The following UMOD variants were observed in gnomAD, a reference collection of about 807,000 sequenced individuals.
The protein encoded by UMOD is uromodulin, also known as Tamm-Horsfall urinary glycoprotein.
In UMOD, 64 loss-of-function variants were observed where a neutral mutation model predicts 66.0. That is an observed-to-expected ratio of 0.97 (90% CI 0.79 to 1.19). The LOEUF (loss-of-function observed/expected upper bound fraction) is 1.19, where lower values mean the gene tolerates loss of function less well. Ranked by LOEUF, UMOD falls within the 50% of genes most tolerant of loss-of-function variation. The pLI, the probability that UMOD is intolerant of heterozygous loss-of-function variation, is 0.00. For synonymous variants in UMOD, 398 were observed against 352.7 expected (o/e 1.13, Z -1.44); for missense variants, 764 against 850.9 (o/e 0.90, Z 1.27).
chr16:20,333,424 G>T, intron 10 of UMOD, 49 bp from the exon 11 acceptor site: 1 of 1,560,572 alleles, frequency 6.4e-7, no homozygotes, highest in Non-Finnish European at 8.7e-7. Context: ...CTGTACTTTT[G>T]TGCAAATTAA....
In UMOD at chr16:20,337,336, G is replaced by C; in HGVS notation, c.1695C>G (p.His565Gln). Residue 565 changes from histidine to glutamine, a missense_variant, in exon 8 of 11, where the codon CAC (histidine) becomes CAG (glutamine). By Grantham distance (24) the His-to-Gln change is conservative (BLOSUM62 0). Coordinates refer to ENST00000396138, the MANE Select transcript of UMOD (RefSeq NM_003361.4). Reference sequence around the variant, plus strand: ...TGGTGTCACAGAGATAGACTTCACAGTGCAGGTAGACTAGGTCATAGTTTC... The same window carrying C: ...TGGTGTCACAGAGATAGACTTCACACTGCAGGTAGACTAGGTCATAGTTTC... Reference protein sequence around the residue: ...FAGNYDLVYLHCEVYLCDTMN... With the variant: ...FAGNYDLVYLQCEVYLCDTMN... 2.5e-6 allele frequency: 4 copies of C among 1,614,208 alleles called. No individual in the cohort carries two copies. Among genetic ancestry groups the C allele is most frequent in the Non-Finnish European group, 3.4e-6 (4 of 1,180,044 alleles).
At position 20,348,458 on chromosome 16, in the gene UMOD, C is replaced by A; in HGVS notation, c.843G>T (p.Glu281Asp). Residue 281 changes from glutamate to aspartate, a missense_variant, in exon 3 of 11, where the codon GAG becomes GAT. Physicochemically the swap from Glu to Asp is conservative, Grantham distance 45. Transcript: ENST00000396138. ...GACCTGTGCAGTACGCCAGGTGACA[C>A]TCGGGGGGCGCTGTCAGGTTGTAGA... ...YYVYNLTAPP[E>D]CHLAYCTDPS... is the part of the protein sequence containing the mutation. 6.2e-7 allele frequency: 1 copy of A among 1,613,536 alleles called. No individual in the cohort carries two copies.
rs184339980 is a variant in UMOD, at chr16:20,336,688, C to T, written c.1780G>A (p.Asp594Asn). The T allele has an allele frequency of 6.2e-6, 10 of 1,614,156 alleles. No individual in the cohort carries two copies. In the African/African-American group the frequency reaches 1.3e-4, roughly 22 times the overall value. ...GTRFRSGSVI[D>N]QSRVLNLGPI... is the part of the protein sequence containing the mutation. Reference sequence around the variant, plus strand: ...CCCAAGTTCAGGACACGGGATTGATCTATGACACTCCCACTTCGGAATCTG... The same window carrying T: ...CCCAAGTTCAGGACACGGGATTGATTTATGACACTCCCACTTCGGAATCTG... Residue 594 changes from aspartate (D) to asparagine (N), a missense_variant, in exon 9 of 11, where the codon GAT (aspartate) becomes AAT (asparagine). Asp to Asn is a conservative substitution (Grantham distance 23, BLOSUM62 1). Coordinates refer to ENST00000396138, the MANE Select transcript of UMOD (RefSeq NM_003361.4).
chr16:20,337,506 T>G (rs1964954687), intron 7 of UMOD, 53 bp from the exon 8 acceptor site: 2 of 1,609,930 alleles, frequency 1.2e-6, no homozygotes, highest in Non-Finnish European at 1.7e-6. Flanking sequence ...GATTCTGGAG[T>G]CAGACTTCCT....
At chr16:20,353,176 A>G (rs1263880736), upstream of UMOD, among the ~76,000 whole-genome samples, 2 of 152,134 alleles carry the variant, frequency 1.3e-5, no homozygotes, top group Non-Finnish European at 2.9e-5. Flanking sequence ...CCCTTCTGAA[A>G]CACCCATTCT....
chr16:20,343,509 AC>A (rs1965360059), intron 6 of UMOD, among the ~76,000 whole-genome samples: 1 of 152,178 alleles, frequency 6.6e-6, no homozygotes, highest in Admixed American at 6.5e-5. Context: ...TGGCACAACC[AC>A]CCTGCCTCTT....
At position 20,347,601 on chromosome 16, in the gene UMOD, C is replaced by T. The variant is rs1185130035; in HGVS notation, c.973+622G>A. Among the ~76,000 whole-genome samples the T allele has an allele frequency of 2.6e-5, 4 of 152,074 alleles. No homozygotes were observed. The East Asian group carries it at 7.7e-4, about 29-fold the overall frequency. The stretch of plus-strand genomic sequence containing the variant: ...GATGAAGTCCTGACCATCAACATTC[C>T]AAATTTGCTTAAGAGATTCAGTCCA... On this transcript the variant is annotated intron_variant, in intron 4 of 10. Transcript: ENST00000396138.
intron 9 of UMOD, 87 bp from the exon 10 acceptor site, chr16:20,335,607 C>T (rs931514461): frequency 5.2e-6 from 7 of 1,350,362 alleles, no homozygotes; most frequent in Non-Finnish European, 7.4e-6. Flanking sequence ...ATCTACTTTT[C>T]ACTTCGCAGC....
chr16:20,348,881 G>A lies in UMOD; in HGVS notation c.420C>T (p.Gly140=). Residue 140 remains glycine (G), a synonymous_variant, in exon 3 of 11, where the codon GGC becomes GGT. Transcript: ENST00000396138. The part of the protein sequence containing the change: ...VGSYLCVCPA[G]YRGDGWHCEC... Reference sequence around the variant, plus strand: ...CACAGTGCCATCCATCCCCCCGGTAGCCCGCGGGGCATACGCACAAGTAGC... The same window carrying A: ...CACAGTGCCATCCATCCCCCCGGTAACCCGCGGGGCATACGCACAAGTAGC... The A allele has an allele frequency of 6.4e-7, 1 of 1,551,554 alleles. No homozygotes were observed. Among genetic ancestry groups the A allele is most frequent in the African/African-American group, 1.4e-5 (1 of 73,378 alleles).
intron 8 of UMOD, among the ~76,000 whole-genome samples, 198 bp from the exon 9 acceptor site, chr16:20,336,925 T>C (rs1964909612): frequency 6.6e-6 from 1 of 152,210 alleles, no homozygotes. Flanking sequence ...GGCAAGCCAC[T>C]GAAGTTCTCT....
upstream of UMOD, among the ~76,000 whole-genome samples, chr16:20,354,838 C>A (rs1035446952): frequency 2.6e-5 from 4 of 152,136 alleles, no homozygotes. Flanking sequence ...TGTGAATGTG[C>A]CTTTCCGACT....
At chr16:20,336,863 G>C in intron 8 of UMOD, 136 bp from the exon 9 acceptor site, 1 of 749,206 alleles carries the variant, frequency 1.3e-6, no homozygotes, top group South Asian at 1.6e-5. Context: ...CTGTATACCG[G>C]GGCTCGTGCA....
intron 5 of UMOD, 57 bp from the exon 6 acceptor site, chr16:20,344,229 A>C: frequency 1.2e-5 from 19 of 1,528,782 alleles, no homozygotes; most frequent in East Asian, 4.5e-5. Flanking sequence ...GGGCATGAGA[A>C]TCTGAGTAGG....
upstream of UMOD, chr16:20,352,740 A>G: frequency 4.1e-6 from 5 of 1,231,632 alleles, no homozygotes; most frequent in Non-Finnish European, 5.1e-6. Flanking sequence ...TCATACTTAT[A>G]TATACACATT....
Position 20,344,167 on chromosome 16 carries a change from A to G in UMOD, c.1188T>C (p.Asn396=). Residue 396 remains asparagine (N), a synonymous_variant, in exon 6 of 11, where the codon AAT becomes AAC. Transcript: ENST00000396138. ...TGTTGCTGTAAGTGGCATGGGTTTC[A>G]TTCCTCTGTTGCAGGGAATGGGGGT... ...DGPCGTVLTR[N]ETHATYSNTL... 1 of 766,150 alleles carries G rather than the reference A, an allele frequency of 1.3e-6. No individual in the cohort carries two copies. The allele number at this position is 766,150 out of a possible 1,614,324, so 47.5% of individuals were successfully genotyped here. A position where few individuals can be genotyped will look rare whatever the true frequency, so the allele number is the denominator to read the frequency against.
At chr16:20,340,006 C>T (rs1370772379) in intron 7 of UMOD, among the ~76,000 whole-genome samples, 2 of 152,260 alleles carry the variant, frequency 1.3e-5, no homozygotes, top group African/African-American at 4.8e-5. Context: ...ATGTCTTACT[C>T]CTCCCCCAGG....
chr16:20,346,415 G>GCCC, intron 4 of UMOD, 81 bp from the exon 5 acceptor site: 3 of 1,457,366 alleles, frequency 2.1e-6, no homozygotes, highest in Admixed American at 1.7e-5. Context: ...GGTCCAGCTG[G>GCCC]CTGGGCTGAC....
chr16:20,347,772 A>G (rs1346856826), intron 4 of UMOD, among the ~76,000 whole-genome samples: 2 of 152,204 alleles, frequency 1.3e-5, no homozygotes, highest in Non-Finnish European at 2.9e-5. Context: ...ATCTTCAATA[A>G]TTGTACCTAT....
Position 20,348,426 on chromosome 16 carries a change from T to G in UMOD, c.865+10A>C. 4.3e-6 allele frequency: 7 copies of G among 1,613,970 alleles called. No individual in the cohort carries two copies. The highest frequency in any genetic ancestry group is 5.9e-6 in the Non-Finnish European group (7 of 1,180,010). The stretch of plus-strand genomic sequence containing the variant: ...CCTGGGATGAGGACTGTGGGGAGAC[T>G]CCGGCTGACCTGTGCAGTACGCCAG... On this transcript the variant is annotated intron_variant, in intron 3 of 10. Transcript: ENST00000396138.
Sources: allele counts gnomAD v4.1 joint callset (sites outside exome capture counted in the v4.1 genomes callset), GRCh38; gene constraint gnomAD v4.1.1; transcripts MANE v1.5; gene names NCBI Gene and HGNC (gene_info 2026-07-23, HGNC 2026-07-21).